Variants in ASAP3 observed in about 807,000 individuals in gnomAD.
The protein encoded by ASAP3 is arf-GAP with SH3 domain, ANK repeat and PH domain-containing protein 3.
Under a neutral mutation model 118.2 loss-of-function variants are expected in ASAP3, and 85 were observed. The ratio of observed to expected loss-of-function variants is 0.72; its 90% confidence interval spans 0.60 to 0.86. The LOEUF (loss-of-function observed/expected upper bound fraction) is 0.86. Ranked by LOEUF, ASAP3 falls within the 40% of genes least tolerant of loss-of-function variation. The pLI is 0.00. For missense variants in ASAP3, 1,026 were observed against 1,175.0 expected, an observed-to-expected ratio of 0.87 and a Z score of 1.85; for synonymous variants, 432 against 477.4, an observed-to-expected ratio of 0.90 and a Z score of 1.24.
rs2148607192 is a variant in ASAP3 at position 23,435,845 on chromosome 1, T to A, written c.1749+6A>T. ...GGTTATAAGTGGCCCTTGGAGGGGT[T>A]CTCACCTGTGCATCAGGCCCTGGCA... On this transcript the variant is annotated splice_donor_region_variant and intron_variant, in intron 17 of 24. Transcript: ENST00000336689. The A allele has an allele frequency of 6.2e-7, 1 of 1,614,230 alleles. No individual in the cohort carries two copies. The highest frequency in any genetic ancestry group is 8.5e-7 in the Non-Finnish European group (1 of 1,180,032).
At chr1:23,444,533 C>T (rs140184894) in intron 5 of ASAP3, among the ~76,000 whole-genome samples, 2 of 152,352 alleles carry the variant, frequency 1.3e-5, no homozygotes, top group Non-Finnish European at 2.9e-5. Context: ...TTGGTCTCCT[C>T]ATCTGGAAAA....
chr1:23,441,523 C>T (rs1640872912), intron 8 of ASAP3, 50 bp from the exon 9 acceptor site: 1 of 1,608,934 alleles, frequency 6.2e-7, no homozygotes, highest in Non-Finnish European at 8.5e-7. Context: ...ATATGTCAGG[C>T]ACAGAGCCCA....
intron 7 of ASAP3, 126 bp downstream of exon 7, chr1:23,442,060 A>T (rs1640890704): frequency 4.0e-6 from 4 of 996,018 alleles, no homozygotes; most frequent in Non-Finnish European, 6.1e-6. Flanking sequence ...CTCAATGAGG[A>T]ACTATGAAAG....
intron 1 of ASAP3, chr1:23,480,067 T>C (rs996761748): frequency 4.6e-5 from 7 of 151,898 alleles, no homozygotes; most frequent in African/African-American, 1.5e-4. Context: ...GAGGCTGAGG[T>C]GGGAAAATCA....
chr1:23,452,031 A>G (rs2148631056), intron 4 of ASAP3, among the ~76,000 whole-genome samples: 1 of 152,332 alleles, frequency 6.6e-6, no homozygotes, highest in African/African-American at 2.4e-5. Flanking sequence ...CAAACCAGGG[A>G]GACCTGACTA....
chr1:23,439,691 CT>C (rs1307297443), intron 10 of ASAP3, among the ~76,000 whole-genome samples: 1 of 152,126 alleles, frequency 6.6e-6, no homozygotes, highest in African/African-American at 2.4e-5. Context: ...AACACTTCTC[CT>C]GTAACAGGTA....
chr1:23,474,665 C>T (rs1642069843), intron 1 of ASAP3, among the ~76,000 whole-genome samples: 1 of 152,116 alleles, frequency 6.6e-6, no homozygotes, highest in South Asian at 2.1e-4. Context: ...CTCACTGCAA[C>T]CTCCACCTCC....
chr1:23,453,515 C>A (rs1175753782), intron 3 of ASAP3, among the ~76,000 whole-genome samples: 1 of 152,176 alleles, frequency 6.6e-6, no homozygotes, highest in Non-Finnish European at 1.5e-5. Flanking sequence ...GACAGAGAAA[C>A]TACCTTAAGA....
intron 4 of ASAP3, 106 bp from the exon 5 acceptor site, chr1:23,451,634 T>C (rs1641218375): frequency 7.9e-7 from 1 of 1,273,872 alleles, no homozygotes; most frequent in African/African-American, 1.5e-5. Context: ...TCCCCTGAGC[T>C]GCTCAGAGCC....
At position 23,442,041 on chromosome 1, in the gene ASAP3, C is replaced by T. The variant is rs368909990; in HGVS notation, c.671+145G>A. The T allele has an allele frequency of 1.2e-4, 101 of 856,522 alleles. 1 individual carries two copies. The Middle Eastern group carries it at 3.2e-3, about 27-fold the overall frequency. 53.1% of individuals were successfully genotyped at this position (856,522 alleles called of 1,614,324 possible). On this transcript the variant is annotated intron_variant, in intron 7 of 24. Coordinates refer to ENST00000336689, the MANE Select transcript of ASAP3 (RefSeq NM_017707.4). ...TTGTAAAGTACTCATGCCTGACACC[C>T]GGTGAGCACTCAATGAGGAACTATG...
rs1197797419 is a variant in ASAP3 at position 23,431,073 on chromosome 1, G to A, written c.2599C>T (p.Pro867Ser). 1 of 1,587,632 alleles carries A rather than the reference G, an allele frequency of 6.3e-7. No individual in the cohort carries two copies. The highest frequency in any genetic ancestry group is 2.3e-5 in the East Asian group (1 of 43,768). Residue 867 changes from proline (P) to serine (S), a missense_variant, in exon 24 of 25, where the codon CCC becomes TCC. Physicochemically the swap from Pro to Ser is moderately conservative, Grantham distance 74. Coordinates refer to ENST00000336689, the MANE Select transcript of ASAP3 (RefSeq NM_017707.4). The stretch of plus-strand genomic sequence containing the variant: ...CTGGGCAGAGGCTGCCTGGCTGAGG[G>A]ACCATCTTCAGGGCTCCGCGCCCCC... ...RRGARSPEDG[P>S]SARQPLPRRN... is the part of the protein sequence containing the mutation.
Position 23,456,007 on chromosome 1 carries a change from C to T in ASAP3, c.222G>A (p.Glu74=). ...AGGATTCCACGGCCTCTCGGTACTGCTCTTCATTCTCCACATGGCCTGTGG... is the reference window on the plus strand; with the variant it reads ...AGGATTCCACGGCCTCTCGGTACTGTTCTTCATTCTCCACATGGCCTGTGG... ...SSGLGHVENE[E]QYREAVESLG... The change falls in exon 3 of 25, where the codon GAG becomes GAA. Residue 74 remains glutamate, a synonymous_variant. Coordinates refer to ENST00000336689, the MANE Select transcript of ASAP3 (RefSeq NM_017707.4). The T allele has an allele frequency of 1.2e-6, 2 of 1,614,118 alleles. No homozygotes were observed. The highest frequency in any genetic ancestry group is 1.1e-5 in the South Asian group (1 of 91,080).
chr1:23,459,007 T>G (rs879805577), intron 1 of ASAP3, among the ~76,000 whole-genome samples: 4 of 151,408 alleles, frequency 2.6e-5, no homozygotes, highest in Admixed American at 2.6e-4. Flanking sequence ...CTGTCTCTAC[T>G]AAAAATACAA....
At chr1:23,465,472 G>C (rs1383561614) in intron 1 of ASAP3, among the ~76,000 whole-genome samples, 2 of 152,146 alleles carry the variant, frequency 1.3e-5, no homozygotes, top group African/African-American at 4.8e-5. Flanking sequence ...GATGAACAGT[G>C]GCAGAGCTGT....
chr1:23,444,295 T>C (rs766715233), intron 5 of ASAP3, among the ~76,000 whole-genome samples: 5 of 152,146 alleles, frequency 3.3e-5, no homozygotes, highest in Non-Finnish European at 5.9e-5. Flanking sequence ...TGTGTGTAAA[T>C]GGTTTCCTGG....
intron 1 of ASAP3, among the ~76,000 whole-genome samples, chr1:23,476,849 C>A (rs1274576615): frequency 6.6e-6 from 1 of 152,070 alleles, no homozygotes; most frequent in East Asian, 1.9e-4. Context: ...TACCATTATT[C>A]TCTATGAATG....
Position 23,434,358 on chromosome 1 carries a change from T to C in ASAP3, c.1847A>G (p.Asp616Gly). 1 of 1,613,988 alleles carries C rather than the reference T, an allele frequency of 6.2e-7. No homozygotes were observed. Among genetic ancestry groups the C allele is most frequent in the Non-Finnish European group, 8.5e-7 (1 of 1,180,004 alleles). ...DFIIQNGGHL[D>G]AKAADGNTAL... Reference sequence around the variant, plus strand: ...CGTGTTCCCGTCAGCAGCCTTGGCATCCAGGTGACCACTGGGGAGAGGAGG... The same window carrying C: ...CGTGTTCCCGTCAGCAGCCTTGGCACCCAGGTGACCACTGGGGAGAGGAGG... The change falls in exon 19 of 25, where the codon GAT becomes GGT. Residue 616 changes from aspartate (D) to glycine (G), a missense_variant. Asp to Gly is a moderately conservative substitution (Grantham distance 94). Coordinates refer to ENST00000336689, the MANE Select transcript of ASAP3 (RefSeq NM_017707.4).
intron 1 of ASAP3, among the ~76,000 whole-genome samples, chr1:23,472,512 G>C (rs981353118): frequency 2.0e-5 from 3 of 152,166 alleles, no homozygotes; most frequent in East Asian, 1.9e-4. Context: ...AGGAGGCAGA[G>C]AGCAAAGGGC....
chr1:23,455,230 T>A (rs977934992), intron 3 of ASAP3, among the ~76,000 whole-genome samples: 5 of 152,282 alleles, frequency 3.3e-5, no homozygotes, highest in African/African-American at 1.2e-4. Flanking sequence ...CACAGAGCTG[T>A]GCATCCGGAT....
Sources: gnomAD v4.1 joint callset for allele counts (sites outside exome capture counted in the v4.1 genomes callset) on GRCh38, gnomAD v4.1.1 for gene constraint, MANE v1.5 for transcripts, NCBI Gene and HGNC (gene_info 2026-07-23, HGNC 2026-07-21) for gene names.